The following WDFY4 variants were observed in gnomAD, a reference collection of about 807,000 sequenced individuals.
WDFY4 encodes the protein WD repeat- and FYVE domain-containing protein 4.
A neutral mutation model predicts 351.9 loss-of-function variants in WDFY4; 169 were observed. That is an observed-to-expected ratio of 0.48 (90% CI 0.42 to 0.55). The LOEUF is 0.55. WDFY4 is among the 20% of genes least tolerant of loss of function. WDFY4 has a pLI of 0.00. For synonymous variants in WDFY4, 1,622 were observed against 1,574.6 expected (o/e 1.03, Z -0.71); for missense variants, 3,803 against 3,935.6 (o/e 0.97, Z 0.90).
At position 48,970,300 on chromosome 10, in the gene WDFY4, G is replaced by A. The variant is rs1323639052; in HGVS notation, c.8928+11G>A. On this transcript the variant is annotated intron_variant, in intron 57 of 61. Coordinates refer to ENST00000325239, the MANE Select transcript of WDFY4 (RefSeq NM_001394531.1). ...TTGCGCCTCCGGCAGGTATGGTCCAGCTCGTGCAGGTGCGGTCCTCAGGTG... is the reference window on the plus strand; with the variant it reads ...TTGCGCCTCCGGCAGGTATGGTCCAACTCGTGCAGGTGCGGTCCTCAGGTG... 1.3e-6 allele frequency: 2 copies of A among 1,548,838 alleles called. No individual in the cohort carries two copies. The highest frequency in any genetic ancestry group is 8.7e-7 in the Non-Finnish European group (1 of 1,146,950).
intron 47 of WDFY4, among the ~76,000 whole-genome samples, chr10:48,933,516 T>C (rs370330915): frequency 6.6e-6 from 1 of 152,238 alleles, no homozygotes; most frequent in African/African-American, 2.4e-5. Flanking sequence ...TGACTCATCA[T>C]GTTCTGCAGA....
At chr10:48,720,158 C>T in intron 3 of WDFY4, 33 bp downstream of exon 3, 2 of 1,543,242 alleles carry the variant, frequency 1.3e-6, no homozygotes. Context: ...AGACCCTCTA[C>T]AGAGAGCAGT....
chr10:48,890,661 A>G lies in WDFY4; in HGVS notation c.7250A>G (p.Tyr2417Cys), dbSNP rs1403319631. 25 of 1,551,544 alleles carry G rather than the reference A, an allele frequency of 1.6e-5. No individual in the cohort carries two copies. The highest frequency in any genetic ancestry group is 2.1e-5 in the Non-Finnish European group (24 of 1,146,992). Residue 2417 changes from tyrosine (Y) to cysteine (C), a missense_variant, in exon 44 of 62, where the codon TAC becomes TGC. Tyr to Cys is a radical substitution (Grantham distance 194, BLOSUM62 -2). Transcript: ENST00000325239. ...GVLLFGHQHF[Y>C]ICENFTLSPT... ...CTGCTTTTTGGCCACCAACACTTCT[A>G]CATCTGCGAGAACTTCACACTGTCT... is the stretch of plus-strand genomic sequence containing the variant.
At chr10:48,899,231 C>A (rs565798786) in intron 45 of WDFY4, among the ~76,000 whole-genome samples, 2 of 152,282 alleles carry the variant, frequency 1.3e-5, no homozygotes, top group East Asian at 3.9e-4. Context: ...CCAGGGCAAG[C>A]TGTACCCTCC....
At chr10:48,873,866 G>T (rs988894324) in intron 41 of WDFY4, among the ~76,000 whole-genome samples, 169 bp downstream of exon 41, 2 of 152,190 alleles carry the variant, frequency 1.3e-5, no homozygotes, top group Non-Finnish European at 2.9e-5. Flanking sequence ...GAGGAGAAAA[G>T]CATCACTAAC....
In WDFY4 at chr10:48,877,100, C is replaced by T. The variant is rs1029547732; in HGVS notation, c.7068C>T (p.Thr2356=). 1.9e-6 allele frequency: 3 copies of T among 1,546,588 alleles called. No homozygotes were observed. Among genetic ancestry groups the T allele is most frequent in the African/African-American group, 1.4e-5 (1 of 72,936 alleles). The change falls in exon 43 of 62, where the codon ACC becomes ACT. Residue 2356 remains threonine, a synonymous_variant. Transcript: ENST00000325239. The part of the protein sequence containing the change: ...DEVGVDCTQL[T]FFPALHESLH... Reference sequence around the variant, plus strand: ...TGGGGGTGGACTGCACCCAGCTGACCTTCTTCCCAGCCTTACACGAAAGTC... The same window carrying T: ...TGGGGGTGGACTGCACCCAGCTGACTTTCTTCCCAGCCTTACACGAAAGTC...
At chr10:48,929,582 C>T (rs955571725) in intron 47 of WDFY4, among the ~76,000 whole-genome samples, 1 of 152,244 alleles carries the variant, frequency 6.6e-6, no homozygotes, top group African/African-American at 2.4e-5. Context: ...CACTCACTCT[C>T]CTGGTAAGCC....
intron 39 of WDFY4, among the ~76,000 whole-genome samples, chr10:48,849,249 T>C (rs1410088975): frequency 6.6e-6 from 1 of 152,186 alleles, no homozygotes; most frequent in Non-Finnish European, 1.5e-5. Context: ...AGTTCTAAAG[T>C]CTATTTATAA....
chr10:48,852,994 C>G (rs143981466), intron 39 of WDFY4, among the ~76,000 whole-genome samples: 3 of 152,104 alleles, frequency 2.0e-5, no homozygotes, highest in South Asian at 2.1e-4. Context: ...CAGAAATTAC[C>G]GAAGACCAAT....
intron 20 of WDFY4, among the ~76,000 whole-genome samples, chr10:48,787,962 T>TCTTCTC (rs2066533778): frequency 9.7e-6 from 1 of 103,502 alleles, no homozygotes; most frequent in Admixed American, 1.0e-4. Flanking sequence ...TTCTTCTTCT[T>TCTTCTC]CTTCTTCTTC....
At chr10:48,882,417 C>T (rs1418270585) in intron 43 of WDFY4, among the ~76,000 whole-genome samples, 1 of 152,176 alleles carries the variant, frequency 6.6e-6, no homozygotes, top group Admixed American at 6.5e-5. Flanking sequence ...ATGTCAGAAG[C>T]CCTTGCCTTG....
chr10:48,699,333 G>C (rs1446678787), intron 1 of WDFY4, among the ~76,000 whole-genome samples: 1 of 152,190 alleles, frequency 6.6e-6, no homozygotes, highest in Non-Finnish European at 1.5e-5. Flanking sequence ...AGCAGGGGCA[G>C]AGGCACAGGG....
chr10:48,957,754 C>T (rs370492739), intron 52 of WDFY4, among the ~76,000 whole-genome samples: 10 of 152,328 alleles, frequency 6.6e-5, no homozygotes, highest in South Asian at 2.1e-4. Flanking sequence ...GGCAGCTGGA[C>T]GGGCACTTAT....
chr10:48,954,898 GA>G (rs1212652088), intron 51 of WDFY4, among the ~76,000 whole-genome samples: 1 of 152,018 alleles, frequency 6.6e-6, no homozygotes, highest in Non-Finnish European at 1.5e-5. Context: ...AGACAGCTGT[GA>G]AAAAAATAAC....
At chr10:48,860,519 G>A (rs1723145544) in intron 39 of WDFY4, among the ~76,000 whole-genome samples, 1 of 152,188 alleles carries the variant, frequency 6.6e-6, no homozygotes, top group South Asian at 2.1e-4. Flanking sequence ...CTACCCCATG[G>A]CAGCATCAAA....
At chr10:48,707,628 G>A (rs1335657693) in intron 1 of WDFY4, among the ~76,000 whole-genome samples, 1 of 152,226 alleles carries the variant, frequency 6.6e-6, no homozygotes, top group Non-Finnish European at 1.5e-5. Flanking sequence ...ACGTGGTGGA[G>A]TCTGAAGACA....
chr10:48,845,144 G>A (rs984448682), intron 39 of WDFY4, among the ~76,000 whole-genome samples: 3 of 152,196 alleles, frequency 2.0e-5, no homozygotes, highest in African/African-American at 7.2e-5. Context: ...TGGGGGAGTG[G>A]GAGTGGCTCA....
At chr10:48,874,844 A>G (rs1242775316) in intron 41 of WDFY4, among the ~76,000 whole-genome samples, 1 of 152,140 alleles carries the variant, frequency 6.6e-6, no homozygotes, top group East Asian at 1.9e-4. Flanking sequence ...CTTCTTTGGT[A>G]ATTACCGTAA....
At chr10:48,887,801 C>A (rs1030691984) in intron 43 of WDFY4, among the ~76,000 whole-genome samples, 2 of 151,084 alleles carry the variant, frequency 1.3e-5, no homozygotes, top group East Asian at 3.9e-4. Context: ...AAAATTTATG[C>A]TTCAGATTTA....
Sources: allele counts gnomAD v4.1 joint callset (sites outside exome capture counted in the v4.1 genomes callset), GRCh38; gene constraint gnomAD v4.1.1; transcripts MANE v1.5; gene names NCBI Gene and HGNC (gene_info 2026-07-23, HGNC 2026-07-21).